CDKAL1: variants seen among roughly 807,000 people sequenced by gnomAD.
CDKAL1 encodes the protein threonylcarbamoyladenosine tRNA methylthiotransferase.
In CDKAL1, 32 loss-of-function variants were observed where a neutral mutation model predicts 68.2. The observed-to-expected ratio is 0.47, with a 90% CI of 0.35 to 0.63. The LOEUF (loss-of-function observed/expected upper bound fraction) is 0.63, where lower values mean the gene tolerates loss of function less well. Among genes scored for constraint, CDKAL1 ranks in the 30% least tolerant of loss-of-function variants. CDKAL1 has a pLI of 0.00. For synonymous variants in CDKAL1, 234 were observed against 244.3 expected (o/e 0.96, Z 0.39); for missense variants, 606 against 696.7 (o/e 0.87, Z 1.47).
At chr6:20,604,711 C>A (rs150431849) in intron 4 of CDKAL1, among the ~76,000 whole-genome samples, 151 of 152,268 alleles carry the variant, frequency 9.9e-4, no homozygotes, top group Non-Finnish European at 1.7e-3. Context: ...ACTGAATACT[C>A]CTAATGCTAA....
chr6:21,152,352 A>G (rs1322178464), intron 13 of CDKAL1, among the ~76,000 whole-genome samples: 1 of 152,190 alleles, frequency 6.6e-6, no homozygotes, highest in Admixed American at 6.5e-5. Context: ...GTCTTCTCTA[A>G]TTACCATTAA....
At chr6:20,799,484 C>A (rs1015240532) in intron 8 of CDKAL1, among the ~76,000 whole-genome samples, 7 of 46,322 alleles carry the variant, frequency 1.5e-4, no homozygotes, top group Admixed American at 2.7e-4. Flanking sequence ...CTACTGTATA[C>A]CACTAAAATA....
intron 11 of CDKAL1, among the ~76,000 whole-genome samples, chr6:21,020,866 C>T (rs1284083411): frequency 2.0e-5 from 3 of 151,186 alleles, no homozygotes; most frequent in Non-Finnish European, 4.4e-5. Flanking sequence ...TTGTCTCAGC[C>T]TCCCAAGTAG....
intron 8 of CDKAL1, among the ~76,000 whole-genome samples, chr6:20,800,077 G>A (rs1467456254): frequency 6.6e-6 from 1 of 152,228 alleles, no homozygotes; most frequent in African/African-American, 2.4e-5. Flanking sequence ...GCAACAGCAT[G>A]GATTCCCTAC....
chr6:20,595,681 G>A (rs998941068), intron 4 of CDKAL1, among the ~76,000 whole-genome samples: 5 of 151,842 alleles, frequency 3.3e-5, no homozygotes, highest in African/African-American at 4.8e-5. Context: ...CTGTCAGTTC[G>A]TCACACTCAT....
chr6:20,852,604 A>T (rs1759077549), intron 9 of CDKAL1, among the ~76,000 whole-genome samples: 1 of 152,242 alleles, frequency 6.6e-6, no homozygotes, highest in African/African-American at 2.4e-5. Context: ...TTTATCAGAT[A>T]TTCAGTTTAA....
At chr6:20,828,232 T>TATC (rs1777577602) in intron 8 of CDKAL1, among the ~76,000 whole-genome samples, 1 of 152,100 alleles carries the variant, frequency 6.6e-6, no homozygotes. Context: ...GTTTCATTAT[T>TATC]ATTATTATTA....
chr6:20,692,810 A>G (rs1770928054), intron 5 of CDKAL1, among the ~76,000 whole-genome samples: 1 of 151,960 alleles, frequency 6.6e-6, no homozygotes, highest in Non-Finnish European at 1.5e-5. Context: ...AGAGAAAATG[A>G]GCATTGTCAT....
intron 4 of CDKAL1, among the ~76,000 whole-genome samples, chr6:20,587,823 C>G (rs1765438302): frequency 6.8e-6 from 1 of 146,894 alleles, no homozygotes; most frequent in Non-Finnish European, 1.5e-5. Context: ...AAGTTGGGTA[C>G]TGTGGCTCAT....
intron 12 of CDKAL1, among the ~76,000 whole-genome samples, chr6:21,082,021 T>A (rs1468706142): frequency 1.4e-5 from 2 of 144,418 alleles, no homozygotes; most frequent in Admixed American, 7.5e-5. Context: ...TGTATTCAGG[T>A]CAATGGAATA....
intron 10 of CDKAL1, among the ~76,000 whole-genome samples, chr6:20,960,343 C>T (rs1292766233): frequency 1.3e-5 from 2 of 152,258 alleles, no homozygotes; most frequent in East Asian, 1.9e-4. Flanking sequence ...CTGGCTAAAC[C>T]GCATAGCCAG....
chr6:20,924,781 T>TGCA (rs1188204345), intron 9 of CDKAL1, among the ~76,000 whole-genome samples: 1 of 152,180 alleles, frequency 6.6e-6, no homozygotes, highest in African/African-American at 2.4e-5. Context: ...ATGAAGAAAT[T>TGCA]GCAGCAATTA....
chr6:21,216,064 G>C (rs112918588), intron 15 of CDKAL1, among the ~76,000 whole-genome samples: 4 of 152,240 alleles, frequency 2.6e-5, no homozygotes, highest in Non-Finnish European at 5.9e-5. Context: ...TGAGCCTAGG[G>C]ATGCAAGCTA....
chr6:20,862,965 G>T (rs12201353), intron 9 of CDKAL1, among the ~76,000 whole-genome samples: 16,440 of 152,210 alleles, frequency 0.11, 975 homozygotes, highest in African/African-American at 0.14. Context: ...GGCAGAGGTT[G>T]CAGTGAGCTG....
Position 21,203,215 on chromosome 6 carries a change from A to ATTT in CDKAL1, c.1548+1976_1548+1978dup, listed in dbSNP as rs371165972. 3.1e-3 allele frequency among the ~76,000 whole-genome samples: 146 copies of ATTT among 47,128 alleles called. 36 individuals are homozygous for ATTT. The highest frequency in any genetic ancestry group is 4.7e-3 in the African/African-American group (53 of 11,370). The allele number at this position is 47,128 out of a possible 152,430, so 30.9% of individuals were successfully genotyped here. A position where few individuals can be genotyped will look rare whatever the true frequency, so the allele number is the denominator to read the frequency against. On this transcript the variant is annotated intron_variant, in intron 15 of 15. Transcript: ENST00000274695. ...TAGGCATGCACCACCATCCTGGCTA[A>ATTT]TTTTTTTTTTTTTTTTTTTTTTTTT...
chr6:20,591,224 T>A (rs758962651), intron 4 of CDKAL1, among the ~76,000 whole-genome samples: 5 of 152,344 alleles, frequency 3.3e-5, no homozygotes, highest in Non-Finnish European at 7.3e-5. Context: ...TGTATATTTG[T>A]TTAAGTTCTT....
At chr6:21,220,552 A>G (rs1254780343) in intron 15 of CDKAL1, among the ~76,000 whole-genome samples, 2 of 152,204 alleles carry the variant, frequency 1.3e-5, no homozygotes, top group East Asian at 3.8e-4. Flanking sequence ...CTGTTGGCAA[A>G]GATTTCTATA....
At chr6:21,094,200 T>G (rs557428290) in intron 12 of CDKAL1, among the ~76,000 whole-genome samples, 18 of 152,216 alleles carry the variant, frequency 1.2e-4, no homozygotes, top group African/African-American at 4.3e-4. Flanking sequence ...GAATGCAAGC[T>G]CATCTTCCCT....
intron 9 of CDKAL1, among the ~76,000 whole-genome samples, chr6:20,867,870 C>T (rs962578252): frequency 2.6e-5 from 4 of 152,192 alleles, no homozygotes; most frequent in African/African-American, 9.7e-5. Flanking sequence ...CGCCTTTAAT[C>T]ACCATTAATT....
Sources: allele counts gnomAD v4.1 joint callset (sites outside exome capture counted in the v4.1 genomes callset), GRCh38; gene constraint gnomAD v4.1.1; transcripts MANE v1.5; gene names NCBI Gene and HGNC (gene_info 2026-07-23, HGNC 2026-07-21).